GAS7: variants seen among roughly 807,000 people sequenced by gnomAD.
The protein encoded by GAS7 is growth arrest specific 7, also known as growth arrest-specific protein 7.
Under a neutral mutation model 71.1 loss-of-function variants are expected in GAS7, and 28 were observed. That is an observed-to-expected ratio of 0.39 (90% CI 0.29 to 0.54). GAS7 has a LOEUF of 0.54. Ranked by LOEUF, GAS7 falls within the 20% of genes least tolerant of loss-of-function variation. GAS7 has a pLI of 0.62. For missense variants in GAS7, 436 were observed against 627.8 expected, an observed-to-expected ratio of 0.69 and a Z score of 3.27; for synonymous variants, 258 against 245.8, an observed-to-expected ratio of 1.05 and a Z score of -0.46.
chr17:9,967,318 C>T (rs936905975), intron 4 of GAS7, among the ~76,000 whole-genome samples: 5 of 152,104 alleles, frequency 3.3e-5, no homozygotes, highest in African/African-American at 4.8e-5. Context: ...AACTTCAGCA[C>T]GATTCATGTT....
chr17:10,071,339 G>T (rs753435106), intron 1 of GAS7, among the ~76,000 whole-genome samples: 1 of 152,104 alleles, frequency 6.6e-6, no homozygotes, highest in Non-Finnish European at 1.5e-5. Flanking sequence ...AATCACCCTG[G>T]GTCTGTGCCC....
intron 1 of GAS7, among the ~76,000 whole-genome samples, chr17:10,192,447 G>A (rs8080977): frequency 0.06 from 9,189 of 152,226 alleles, 404 homozygotes; most frequent in Non-Finnish European, 0.084. Flanking sequence ...TTTCACCAGC[G>A]AAGTGAGGAT....
chr17:9,994,501 C>T (rs1473586152), intron 2 of GAS7, among the ~76,000 whole-genome samples: 4 of 143,928 alleles, frequency 2.8e-5, no homozygotes, highest in East Asian at 2.0e-4. Flanking sequence ...AAACTGGATC[C>T]CTTCCTTACA....
intron 1 of GAS7, among the ~76,000 whole-genome samples, chr17:10,057,808 A>G (rs983014892): frequency 3.9e-5 from 6 of 152,386 alleles, no homozygotes; most frequent in Admixed American, 1.3e-4. Flanking sequence ...CGAATAGAAA[A>G]GGGGGAAATG....
chr17:10,073,268 T>C (rs1361940912), intron 1 of GAS7, among the ~76,000 whole-genome samples: 1 of 152,168 alleles, frequency 6.6e-6, no homozygotes, highest in Non-Finnish European at 1.5e-5. Flanking sequence ...GGTACCTCAG[T>C]GAACTAATTC....
At chr17:10,101,567 C>G (rs1201210405) in intron 1 of GAS7, among the ~76,000 whole-genome samples, 1 of 152,208 alleles carries the variant, frequency 6.6e-6, no homozygotes, top group African/African-American at 2.4e-5. Flanking sequence ...ACAGGCGGTA[C>G]CTACAGCCAC....
At position 9,911,239 on chromosome 17, in the gene GAS7, G is replaced by A. The variant is rs530157693; in HGVS notation, c.*5989C>T. ...GCCCCCACTTGACAGATGAGTGCACGGAGGTCCCGACAGGGGATGTGACTT... is the reference window on the plus strand; with the variant it reads ...GCCCCCACTTGACAGATGAGTGCACAGAGGTCCCGACAGGGGATGTGACTT... On this transcript the variant is annotated 3_prime_UTR_variant, in exon 14 of 14. Coordinates refer to ENST00000432992, the MANE Select transcript of GAS7 (RefSeq NM_201433.2). This position sits in a 1 kb window ranked among gnomAD's most constrained non-coding sequence, Gnocchi z 4.0. 4.7e-5 allele frequency: 11 copies of A among 233,312 alleles called. No homozygotes were observed. Among genetic ancestry groups the A allele is most frequent in the East Asian group, 6.0e-5 (1 of 16,598 alleles). 14.5% of individuals were successfully genotyped at this position (233,312 alleles called of 1,614,324 possible). A position where few individuals can be genotyped will look rare whatever the true frequency, so the allele number is the denominator to read the frequency against.
At chr17:10,068,135 C>A (rs948625361) in intron 1 of GAS7, among the ~76,000 whole-genome samples, 1 of 152,172 alleles carries the variant, frequency 6.6e-6, no homozygotes, top group African/African-American at 2.4e-5. Context: ...TTTTAAGCTG[C>A]TTTGTACGAA....
At chr17:10,131,855 A>C (rs1490158992) in intron 1 of GAS7, among the ~76,000 whole-genome samples, 1 of 152,230 alleles carries the variant, frequency 6.6e-6, no homozygotes. Context: ...GTATTAAAAC[A>C]TGACATGAAT....
chr17:10,154,719 C>A (rs897351576), intron 1 of GAS7, among the ~76,000 whole-genome samples: 4 of 152,078 alleles, frequency 2.6e-5, no homozygotes, highest in Non-Finnish European at 5.9e-5. Context: ...AAAACTCAGT[C>A]CAAACCCACT....
intron 3 of GAS7, among the ~76,000 whole-genome samples, chr17:9,976,113 C>T (rs1247717171): frequency 6.6e-6 from 1 of 152,234 alleles, no homozygotes; most frequent in Non-Finnish European, 1.5e-5. Flanking sequence ...TCTCTCTGGC[C>T]ACCTGGTCCT....
intron 1 of GAS7, among the ~76,000 whole-genome samples, chr17:10,180,111 C>CCT (rs1410786914): frequency 6.6e-6 from 1 of 152,082 alleles, no homozygotes; most frequent in Non-Finnish European, 1.5e-5. Context: ...GAGGCCAAGG[C>CCT]AGGTGGATCA....
chr17:10,126,370 A>ACACACGCACG (rs1278247962), intron 1 of GAS7, among the ~76,000 whole-genome samples: 1 of 142,672 alleles, frequency 7.0e-6, no homozygotes, highest in Non-Finnish European at 1.6e-5. Flanking sequence ...ACTCTTGCAC[A>ACACACGCACG]CACACCCACA....
intron 2 of GAS7, among the ~76,000 whole-genome samples, chr17:9,992,397 A>T (rs2070876184): frequency 6.6e-6 from 1 of 151,944 alleles, no homozygotes; most frequent in African/African-American, 2.4e-5. Context: ...GAGTCTTTCT[A>T]GAATAGGTGA....
intron 1 of GAS7, among the ~76,000 whole-genome samples, chr17:10,154,511 AC>A (rs377085558): frequency 1.5e-4 from 23 of 150,738 alleles, no homozygotes; most frequent in South Asian, 4.2e-4. Context: ...CTCAAGAAAA[AC>A]AAAAAAAAAA....
chr17:10,087,700 T>C (rs759738112), intron 1 of GAS7, among the ~76,000 whole-genome samples: 2 of 152,140 alleles, frequency 1.3e-5, no homozygotes, highest in African/African-American at 2.4e-5. Context: ...CTGGGGGAGA[T>C]TGAACATTTC....
intron 3 of GAS7, among the ~76,000 whole-genome samples, chr17:9,977,141 G>C (rs560380760): frequency 6.6e-6 from 1 of 152,300 alleles, no homozygotes; most frequent in East Asian, 1.9e-4. Flanking sequence ...GAAGGCACAG[G>C]AAGTTACTGT....
intron 1 of GAS7, among the ~76,000 whole-genome samples, chr17:10,154,517 A>AG (rs2074190246): frequency 6.6e-6 from 1 of 151,810 alleles, no homozygotes; most frequent in Non-Finnish European, 1.5e-5. Context: ...AAAAACAAAA[A>AG]AAAAAAATTC....
intron 1 of GAS7, among the ~76,000 whole-genome samples, chr17:10,096,467 T>C (rs2285323): frequency 0.56 from 85,746 of 152,114 alleles, 24,770 homozygotes; most frequent in Non-Finnish European, 0.62. Context: ...GGAGCTTCCA[T>C]GTTGTGGTAA....
Sources: allele counts gnomAD v4.1 joint callset (sites outside exome capture counted in the v4.1 genomes callset), GRCh38; gene constraint gnomAD v4.1.1; non-coding constraint Gnocchi (gnomAD v3.1); transcripts MANE v1.5; gene names NCBI Gene and HGNC (gene_info 2026-07-23, HGNC 2026-07-21).